The following FAAH2 variants were observed in gnomAD, a reference collection of about 807,000 sequenced individuals.
The protein encoded by FAAH2 is fatty acid amide hydrolase 2.
FAAH2 carries 60 observed loss-of-function variants against 36.9 expected under a neutral mutation model. The ratio of observed to expected loss-of-function variants is 1.63; its 90% CI spans 1.32 to 2.02. FAAH2 has a LOEUF of 2.02. FAAH2 is among the 30% of genes most tolerant of loss of function. The probability of loss-of-function intolerance (pLI) is 0.00; values close to 1 mark genes in which losing one functional copy is unlikely to be tolerated. For synonymous variants in FAAH2, 214 were observed against 143.8 expected (o/e 1.49, Z -3.49); for missense variants, 689 against 397.5 (o/e 1.73, Z -6.23).
the FAAH2 span, among the ~76,000 whole-genome samples, chrX:57,145,211 C>A: frequency 9.4e-6 from 1 of 106,202 alleles, no homozygotes; most frequent in Non-Finnish European, 1.9e-5. Flanking sequence ...ACATCCATAC[C>A]AGCATCTATT....
chrX:57,423,325 G>A (rs1367541652), intron 7 of FAAH2, among the ~76,000 whole-genome samples: 1 of 111,836 alleles, frequency 8.9e-6, no homozygotes, highest in East Asian at 2.8e-4. Flanking sequence ...AGAGGTGAGT[G>A]TGGCATGGGC....
At chrX:57,483,877 A>C (rs1207736392) in intron 10 of FAAH2, among the ~76,000 whole-genome samples, 1 of 97,870 alleles carries the variant, frequency 1.0e-5, no homozygotes, top group African/African-American at 3.9e-5. Context: ...TCAGCTCACC[A>C]CAAGCTCCAC....
At chrX:57,135,553 T>C in the FAAH2 span, 1 of 460,647 alleles carries the variant, frequency 2.2e-6, no homozygotes, top group East Asian at 4.4e-5. Flanking sequence ...CTGAACTTTA[T>C]TCACAGCCGA....
the FAAH2 span, among the ~76,000 whole-genome samples, chrX:57,264,852 A>C: frequency 8.9e-6 from 1 of 112,626 alleles, no homozygotes; most frequent in South Asian, 3.7e-4. Flanking sequence ...GCCATCTAGA[A>C]GTTGCTAATG....
At chrX:57,305,616 C>T (rs1290292656) in intron 2 of FAAH2, among the ~76,000 whole-genome samples, 1 of 111,698 alleles carries the variant, frequency 9.0e-6, no homozygotes, top group East Asian at 2.8e-4. Flanking sequence ...ATGCCCCTTT[C>T]CTGCTTTAAA....
intron 4 of FAAH2, among the ~76,000 whole-genome samples, chrX:57,338,386 T>C (rs1305355885): frequency 8.9e-6 from 1 of 111,809 alleles, no homozygotes; most frequent in African/African-American, 3.3e-5. Flanking sequence ...TGGTGGAATG[T>C]CATCAGTTAA....
rs948747010 is a variant in FAAH2 at position 57,333,786 on chromosome X, G to A, written c.622+1979G>A. 3.5e-4 allele frequency among the ~76,000 whole-genome samples: 39 copies of A among 111,236 alleles called. No homozygotes were observed. In the Admixed American group the frequency reaches 3.6e-3, roughly 10 times the overall value. On this transcript the variant is annotated intron_variant, in intron 4 of 10. Transcript: ENST00000374900. The stretch of plus-strand genomic sequence containing the variant: ...ATCTAATAACTGTTGGATTACAAAT[G>A]CATATAATACACATATGTAATTGGA...
chrX:57,372,758 A>T (rs1835697), intron 5 of FAAH2, among the ~76,000 whole-genome samples: 5 of 108,783 alleles, frequency 4.6e-5, no homozygotes, highest in Non-Finnish European at 9.6e-5. Context: ...TTTGGGGAAC[A>T]GGTGGTGTTT....
chrX:57,379,211 A>G (rs1384785143), intron 6 of FAAH2, among the ~76,000 whole-genome samples: 1 of 111,091 alleles, frequency 9.0e-6, no homozygotes, highest in Non-Finnish European at 1.9e-5. Flanking sequence ...TGTAGCAGTC[A>G]TTTCAAATTA....
At chrX:57,349,407 GTATATACACA>G (rs1395253060) in intron 5 of FAAH2, among the ~76,000 whole-genome samples, 1 of 92,172 alleles carries the variant, frequency 1.1e-5, no homozygotes, top group Non-Finnish European at 2.1e-5. Context: ...ATATATGTGT[GTATATACACA>G]TATATACATA....
chrX:57,445,119 A>G (rs1384254042), intron 8 of FAAH2, among the ~76,000 whole-genome samples: 1 of 111,512 alleles, frequency 9.0e-6, no homozygotes, highest in Non-Finnish European at 1.9e-5. Flanking sequence ...GGTTTGGCCC[A>G]TCCTTATTGA....
intron 5 of FAAH2, among the ~76,000 whole-genome samples, chrX:57,362,998 T>C (rs1335753557): frequency 8.9e-6 from 1 of 111,871 alleles, no homozygotes; most frequent in Non-Finnish European, 1.9e-5. Context: ...TAATTTGAAG[T>C]TGAATAATGT....
the FAAH2 span, among the ~76,000 whole-genome samples, chrX:57,224,560 C>A: frequency 5.4e-5 from 6 of 111,390 alleles, no homozygotes; most frequent in Non-Finnish European, 1.1e-4. Context: ...GCAGCGTGCG[C>A]CGGCAAGATA....
intron 3 of FAAH2, among the ~76,000 whole-genome samples, chrX:57,315,267 A>C (rs1250497712): frequency 9.0e-6 from 1 of 111,258 alleles, no homozygotes; most frequent in Non-Finnish European, 1.9e-5. Flanking sequence ...GGTAATAAGA[A>C]ACCTACCAAT....
chrX:57,274,273 C>T, the FAAH2 span, among the ~76,000 whole-genome samples: 3 of 111,601 alleles, frequency 2.7e-5, no homozygotes, highest in African/African-American at 9.8e-5. Flanking sequence ...AATTAATAGC[C>T]TACTAACCAA....
chrX:57,326,437 G>C (rs984482748), intron 3 of FAAH2, among the ~76,000 whole-genome samples: 1 of 114,189 alleles, frequency 8.8e-6, no homozygotes, highest in East Asian at 2.7e-4. Flanking sequence ...TTGACAGTGG[G>C]GTGTTAAAGT....
chrX:57,167,767 A>C, the FAAH2 span, among the ~76,000 whole-genome samples: 4 of 111,411 alleles, frequency 3.6e-5, no homozygotes, highest in African/African-American at 1.3e-4. Context: ...TAGCAGAAAA[A>C]AAATATATAC....
At position 57,481,101 on chromosome X, in the gene FAAH2, T is replaced by C. The variant is rs774955968; in HGVS notation, c.1424-7656T>C. On this transcript the variant is annotated intron_variant, in intron 10 of 10. Transcript: ENST00000374900. The stretch of plus-strand genomic sequence containing the variant: ...TTTTTCAGCTCCATCATGTCATTTA[T>C]ATTCCTCTCTAAGTTGGTTATTTAA... Among the ~76,000 whole-genome samples, 3 of 110,579 alleles carry C rather than the reference T, an allele frequency of 2.7e-5. No individual in the cohort carries two copies. The South Asian group carries it at 1.2e-3, about 43-fold the overall frequency.
chrX:57,158,455 A>G, the FAAH2 span, among the ~76,000 whole-genome samples: 5 of 111,932 alleles, frequency 4.5e-5, no homozygotes, highest in African/African-American at 9.8e-5. Context: ...CTAGTTTACA[A>G]TCCCACCAAC....
Sources: gnomAD v4.1 joint callset for allele counts (sites outside exome capture counted in the v4.1 genomes callset) on GRCh38, gnomAD v4.1.1 for gene constraint, MANE v1.5 for transcripts, NCBI Gene and HGNC (gene_info 2026-07-23, HGNC 2026-07-21) for gene names.